Variants in CASKIN1 observed in about 807,000 individuals in gnomAD.
CASKIN1 encodes the protein CASK interacting protein 1.
A neutral mutation model predicts 117.5 loss-of-function variants in CASKIN1; 42 were observed. The observed-to-expected ratio is 0.36, with a 90% CI of 0.28 to 0.46. The LOEUF is 0.46. Ranked by LOEUF, CASKIN1 falls within the 20% of genes least tolerant of loss-of-function variation. The pLI is 1.00. For synonymous variants in CASKIN1, 1,148 were observed against 961.7 expected, an observed-to-expected ratio of 1.19 and a Z score of -3.59; for missense variants, 2,083 against 2,077.3, an observed-to-expected ratio of 1.00 and a Z score of -0.05.
chr16:2,189,491 C>G lies in CASKIN1; in HGVS notation c.318G>C (p.Ser106=), dbSNP rs374113758. 5.0e-6 allele frequency: 8 copies of G among 1,612,146 alleles called. No individual in the cohort carries two copies. Among genetic ancestry groups the G allele is most frequent in the South Asian group, 2.2e-5 (2 of 91,076 alleles). ...EPMKLVLKAG[S]AVNIPSDEGH... is the part of the protein sequence containing the mutation. Reference sequence around the variant, plus strand: ...CCTCATCAGACGGGATGTTCACGGCCGAGCCCGCCTTCAGCACCAGCTTCA... The same window carrying G: ...CCTCATCAGACGGGATGTTCACGGCGGAGCCCGCCTTCAGCACCAGCTTCA... The change falls in exon 4 of 20, where the codon TCG becomes TCC. Residue 106 remains serine, a synonymous_variant. Coordinates refer to ENST00000343516, the MANE Select transcript of CASKIN1 (RefSeq NM_020764.4).
intron 1 of CASKIN1, among the ~76,000 whole-genome samples, chr16:2,193,540 A>G (rs1050485623): frequency 1.3e-5 from 2 of 152,202 alleles, no homozygotes; most frequent in Non-Finnish European, 2.9e-5. Context: ...GCATGTCCCC[A>G]GGACTGTCCA....
intron 10 of CASKIN1, 40 bp downstream of exon 10, chr16:2,186,667 A>G (rs2093185678): frequency 1.3e-6 from 2 of 1,556,950 alleles, no homozygotes; most frequent in Non-Finnish European, 1.8e-6. Flanking sequence ...CCCCAAGCCC[A>G]GGGGCTCCTG....
Position 2,180,489 on chromosome 16 carries a change from G to T in CASKIN1, c.2879C>A (p.Ala960Asp), listed in dbSNP as rs1174847080. ...PKRSSSALASANLADEPVPDA... is the reference protein window; with the variant it reads ...PKRSSSALASDNLADEPVPDA... ...AGGCACCGGCTCATCCGCCAGGTTGGCACTAGCCAGGGCCGAGCTGGAGCG... is the reference window on the plus strand; with the variant it reads ...AGGCACCGGCTCATCCGCCAGGTTGTCACTAGCCAGGGCCGAGCTGGAGCG... The change falls in exon 18 of 20, where the codon GCC (alanine) becomes GAC (aspartate). Residue 960 changes from alanine to aspartate, a missense_variant. This residue lies in a region of CASKIN1 where 1,818 missense variants were observed against 1,688.9 expected (regional missense o/e 1.08). Coordinates refer to ENST00000343516, the MANE Select transcript of CASKIN1 (RefSeq NM_020764.4). 1.9e-6 allele frequency: 3 copies of T among 1,550,448 alleles called. No homozygotes were observed. Among genetic ancestry groups the T allele is most frequent in the Non-Finnish European group, 2.6e-6 (3 of 1,154,336 alleles).
chr16:2,188,871 A>T, intron 6 of CASKIN1, 156 bp downstream of exon 6: 1 of 1,057,682 alleles, frequency 9.5e-7, no homozygotes, highest in Non-Finnish European at 1.3e-6. Flanking sequence ...CATCCTGTAC[A>T]TGGGCCCTGG....
chr16:2,182,671 C>T lies in CASKIN1; in HGVS notation c.1630-742G>A, dbSNP rs974994680. ...CAGGTGGCTTTTGACAGCCACCGAT[C>T]GCCTCTCCCGTTGGGAGCCCAGAGC... On this transcript the variant is annotated intron_variant, in intron 16 of 19. Transcript: ENST00000343516. This position sits in a 1 kb window ranked among gnomAD's most constrained non-coding sequence, Gnocchi z 4.1. 1.8e-4 allele frequency among the ~76,000 whole-genome samples: 28 copies of T among 152,226 alleles called. No homozygotes were observed. Among genetic ancestry groups the T allele is most frequent in the African/African-American group, 6.3e-4 (26 of 41,454 alleles).
chr16:2,181,193 C>A lies in CASKIN1; in HGVS notation c.2175G>T (p.Gln725His). 1 of 1,560,782 alleles carries A rather than the reference C, an allele frequency of 6.4e-7. No individual in the cohort carries two copies. The highest frequency in any genetic ancestry group is 1.2e-5 in the South Asian group (1 of 85,480). The part of the protein sequence containing the change: ...PGPSSPMSRS[Q>H]EYLLDEGPAP... ...CGGGGCCCTCATCCAGGAGGTACTCCTGGCTTCGAGACATGGGGCTGCTGG... is the reference window on the plus strand; with the variant it reads ...CGGGGCCCTCATCCAGGAGGTACTCATGGCTTCGAGACATGGGGCTGCTGG... The change falls in exon 18 of 20, where the codon CAG (glutamine) becomes CAT (histidine). Residue 725 changes from glutamine (Q) to histidine (H), a missense_variant. Physicochemically the swap from Gln to His is conservative, Grantham distance 24. Transcript: ENST00000343516.
In CASKIN1 at chr16:2,189,274, C is replaced by T. The variant is rs1450226659; in HGVS notation, c.450G>A (p.Thr150=). The change falls in exon 5 of 20, where the codon ACG becomes ACA. Residue 150 remains threonine, a synonymous_variant. Coordinates refer to ENST00000343516, the MANE Select transcript of CASKIN1 (RefSeq NM_020764.4). ...CGAACTCGCAGGCCAGGTCCAGGGG[C>T]GTCTTCCCCGAGTTGTCCACCATGC... The part of the protein sequence containing the change: ...NPCMVDNSGK[T]PLDLACEFGR... 11 of 1,613,126 alleles carry T rather than the reference C, an allele frequency of 6.8e-6. No individual in the cohort carries two copies. The East Asian group carries it at 1.6e-4, about 23-fold the overall frequency.
At position 2,180,653 on chromosome 16, in the gene CASKIN1, G is replaced by T; in HGVS notation, c.2715C>A (p.Gly905=). The change falls in exon 18 of 20, where the codon GGC becomes GGA. Residue 905 remains glycine (G), a synonymous_variant. Coordinates refer to ENST00000343516, the MANE Select transcript of CASKIN1 (RefSeq NM_020764.4). The stretch of plus-strand genomic sequence containing the variant: ...CGCGCCGCTGGACCGTGGCATAGGG[G>T]CCGGCAGCCGCAGGCACCAGCAGCT... ...RDELLVPAAA[G]PYATVQRRVG... 1 of 1,529,358 alleles carries T rather than the reference G, an allele frequency of 6.5e-7. No homozygotes were observed. 94.7% of individuals were successfully genotyped at this position (1,529,358 alleles called of 1,614,324 possible). A position where few individuals can be genotyped will look rare whatever the true frequency, so the allele number is the denominator to read the frequency against.
At chr16:2,183,617 C>T in intron 16 of CASKIN1, 29 bp downstream of exon 16, 1 of 1,607,640 alleles carries the variant, frequency 6.2e-7, no homozygotes, top group Non-Finnish European at 8.5e-7. Context: ...CCGTCCTGGG[C>T]CCAGCCCCTG....
intron 6 of CASKIN1, among the ~76,000 whole-genome samples, chr16:2,188,447 C>T (rs970585573): frequency 1.3e-5 from 2 of 151,822 alleles, no homozygotes; most frequent in Non-Finnish European, 2.9e-5. Context: ...ACCTCATGGG[C>T]TCAAGTGATT....
rs2141313229 is a variant in CASKIN1 at position 2,181,055 on chromosome 16, A to G, written c.2313T>C (p.Thr771=). Residue 771 remains threonine, a synonymous_variant, in exon 18 of 20, where the codon ACT becomes ACC. Coordinates refer to ENST00000343516, the MANE Select transcript of CASKIN1 (RefSeq NM_020764.4). ...GKPRQVLPPG[T]SHFTPPQTPT... ...GCGTCTGGGGGGGCGTGAAGTGGCT[A>G]GTGCCTGGTGGGAGGACCTGCCGTG... The G allele has an allele frequency of 6.7e-7, 1 of 1,489,214 alleles. No individual in the cohort carries two copies. 92.3% of individuals were successfully genotyped at this position (1,489,214 alleles called of 1,614,324 possible). A position where few individuals can be genotyped will look rare whatever the true frequency, so the allele number is the denominator to read the frequency against.
Position 2,189,020 on chromosome 16 carries a change from G to C in CASKIN1, c.617+7C>G, listed in dbSNP as rs1232594651. 1 of 1,609,984 alleles carries C rather than the reference G, an allele frequency of 6.2e-7. No homozygotes were observed. Among genetic ancestry groups the C allele is most frequent in the South Asian group, 1.1e-5 (1 of 90,726 alleles). On this transcript the variant is annotated splice_region_variant and intron_variant, in intron 6 of 19. Coordinates refer to ENST00000343516, the MANE Select transcript of CASKIN1 (RefSeq NM_020764.4). ...AAGGCTGAGGCCCTCCCTGCTACCG[G>C]CTCTACCTGATGATGTCGATGTGGC...
At position 2,184,811 on chromosome 16, in the gene CASKIN1, G is replaced by A. The variant is rs563294110; in HGVS notation, c.1382C>T (p.Pro461Leu). 1.9e-5 allele frequency: 29 copies of A among 1,538,960 alleles called. No homozygotes were observed. Among genetic ancestry groups the A allele is most frequent in the Admixed American group, 8.4e-5 (4 of 47,736 alleles). The stretch of plus-strand genomic sequence containing the variant: ...CGATGCTGGCTCCAGCTTCTTGGGC[G>A]GCTGCTCCCCATAGACCTGCCCGGC... ...AHAGQVYGEQ[P>L]PKKLEPASEG... The change falls in exon 14 of 20, where the codon CCG becomes CTG. Residue 461 changes from proline (P) to leucine (L), a missense_variant. Pro to Leu is a moderately conservative substitution (Grantham distance 98, BLOSUM62 -3). Coordinates refer to ENST00000343516, the MANE Select transcript of CASKIN1 (RefSeq NM_020764.4).
At chr16:2,190,245 A>G in intron 2 of CASKIN1, 62 bp downstream of exon 2, 1 of 1,587,294 alleles carries the variant, frequency 6.3e-7, no homozygotes. Flanking sequence ...CTCCCCCGGC[A>G]CCTAGGCCTC....
In CASKIN1 at chr16:2,179,931, T is replaced by A; in HGVS notation, c.3437A>T (p.Asp1146Val). The A allele has an allele frequency of 6.2e-7, 1 of 1,605,632 alleles. No homozygotes were observed. The highest frequency in any genetic ancestry group is 8.5e-7 in the Non-Finnish European group (1 of 1,176,666). Residue 1146 changes from aspartate to valine, a missense_variant, in exon 18 of 20, where the codon GAC (aspartate) becomes GTC (valine). Coordinates refer to ENST00000343516, the MANE Select transcript of CASKIN1 (RefSeq NM_020764.4). The surrounding 1 kb of genome is among the most constrained non-coding windows in gnomAD (Gnocchi z 5.8). Reference sequence around the variant, plus strand: ...GGCCTTGGGCCTGCGCTTGACCGTGTCAGACTCGGTCAGGATGAACTTGAC... The same window carrying A: ...GGCCTTGGGCCTGCGCTTGACCGTGACAGACTCGGTCAGGATGAACTTGAC... Reference protein sequence around the residue: ...ENVKFILTESDTVKRRPKAKE... With the variant: ...ENVKFILTESVTVKRRPKAKE...
Position 2,185,306 on chromosome 16 carries a change from C to A in CASKIN1, c.1150+1G>T. 6.3e-7 allele frequency: 1 copy of A among 1,595,344 alleles called. No homozygotes were observed. Among genetic ancestry groups the A allele is most frequent in the Admixed American group, 1.7e-5 (1 of 58,886 alleles). On this transcript the variant is annotated splice_donor_variant, in intron 11 of 19. Coordinates refer to ENST00000343516, the MANE Select transcript of CASKIN1 (RefSeq NM_020764.4). LOFTEE classifies it high-confidence loss of function. ...CTCTGCCCTTCAGGGACCCAGCCTACCTGCAAAAGGCTTCCTCAGCACCCA... is the reference window on the plus strand; with the variant it reads ...CTCTGCCCTTCAGGGACCCAGCCTAACTGCAAAAGGCTTCCTCAGCACCCA...
rs1567257276 is a variant in CASKIN1 at position 2,179,376 on chromosome 16, G to A, written c.3776-51C>T. On this transcript the variant is annotated intron_variant, in intron 18 of 19. Coordinates refer to ENST00000343516, the MANE Select transcript of CASKIN1 (RefSeq NM_020764.4). The surrounding 1 kb of genome is among the most constrained non-coding windows in gnomAD (Gnocchi z 5.8). Reference sequence around the variant, plus strand: ...GAGCGGGCACGAGTTCCGCCGCCGCGCCCCCTGCCCCAGCCTCCCGCGGCT... The same window carrying A: ...GAGCGGGCACGAGTTCCGCCGCCGCACCCCCTGCCCCAGCCTCCCGCGGCT... 12 of 1,328,366 alleles carry A rather than the reference G, an allele frequency of 9.0e-6. No homozygotes were observed. The highest frequency in any genetic ancestry group is 2.8e-4 in the Middle Eastern group (1 of 3,574). The allele number at this position is 1,328,366 out of a possible 1,614,324, so 82.3% of individuals were successfully genotyped here. A position where few individuals can be genotyped will look rare whatever the true frequency, so the allele number is the denominator to read the frequency against.
In CASKIN1 at chr16:2,190,057, C is replaced by G; in HGVS notation, c.244+16G>C. 1 of 1,611,168 alleles carries G rather than the reference C, an allele frequency of 6.2e-7. No individual in the cohort carries two copies. Among genetic ancestry groups the G allele is most frequent in the Non-Finnish European group, 8.5e-7 (1 of 1,179,126 alleles). On this transcript the variant is annotated intron_variant, in intron 3 of 19. Transcript: ENST00000343516. ...CCCCGCCCCTGCCCCCACCAGAGGCCCTCGGCTAGTCTTGCCTTTGTTGTC... is the reference window on the plus strand; with the variant it reads ...CCCCGCCCCTGCCCCCACCAGAGGCGCTCGGCTAGTCTTGCCTTTGTTGTC...
rs543653032 is a variant in CASKIN1, at chr16:2,185,150, G to A, written c.1200C>T (p.Ser400=). Residue 400 remains serine (S), a synonymous_variant, in exon 12 of 20, where the codon AGC becomes AGT. Transcript: ENST00000343516. ...SISGMAGGRG[S]GGHALHAGSE... is the part of the protein sequence containing the mutation. ...AGCCCGCGTGTAGGGCGTGACCCCC[G>A]CTGCCCCGGCCGCCAGCCATGCCGC... is the stretch of plus-strand genomic sequence containing the variant. 495 of 1,608,672 alleles carry A rather than the reference G, an allele frequency of 3.1e-4. 13 individuals carry two copies. In the South Asian group the frequency reaches 5.2e-3, roughly 17 times the overall value.
Sources: gnomAD v4.1 joint callset for allele counts (sites outside exome capture counted in the v4.1 genomes callset) on GRCh38, gnomAD v4.1.1 for gene constraint, gnomAD v4.1.1 regional missense constraint, Gnocchi (gnomAD v3.1) non-coding constraint, MANE v1.5 for transcripts, NCBI Gene and HGNC (gene_info 2026-07-23, HGNC 2026-07-21) for gene names.